The following CABIN1 variants were observed in gnomAD, a reference collection of about 807,000 sequenced individuals.
The protein encoded by CABIN1 is calcineurin-binding protein cabin-1.
Under a neutral mutation model 227.7 loss-of-function variants are expected in CABIN1, and 133 were observed. The observed-to-expected ratio is 0.58, with a 90% CI of 0.51 to 0.67. The LOEUF (loss-of-function observed/expected upper bound fraction) is 0.67, where lower values mean the gene tolerates loss of function less well. Among genes scored for constraint, CABIN1 ranks in the 30% least tolerant of loss-of-function variants. The probability of loss-of-function intolerance (pLI) is 0.00; values close to 1 mark genes in which losing one functional copy is unlikely to be tolerated. For missense variants in CABIN1, 2,408 were observed against 2,852.5 expected, an observed-to-expected ratio of 0.84 and a Z score of 3.55; for synonymous variants, 1,086 against 1,155.1, an observed-to-expected ratio of 0.94 and a Z score of 1.21.
At chr22:24,127,790 C>CT (rs1282021577) in intron 28 of CABIN1, among the ~76,000 whole-genome samples, 1 of 151,746 alleles carries the variant, frequency 6.6e-6, no homozygotes, top group Non-Finnish European at 1.5e-5. Flanking sequence ...GTTTGCACAT[C>CT]TATCATCTTC....
intron 1 of CABIN1, among the ~76,000 whole-genome samples, chr22:24,014,870 G>A (rs2035125456): frequency 6.6e-6 from 1 of 151,960 alleles, no homozygotes; most frequent in Non-Finnish European, 1.5e-5. Context: ...TGTTTCTTTC[G>A]CACAAGTGAA....
intron 26 of CABIN1, among the ~76,000 whole-genome samples, chr22:24,099,568 C>G (rs1054195274): frequency 6.6e-6 from 1 of 152,346 alleles, no homozygotes; most frequent in East Asian, 1.9e-4. Context: ...TGCAGACTTT[C>G]CCTGTTAAGA....
At chr22:24,133,881 C>G (rs528104744) in intron 28 of CABIN1, among the ~76,000 whole-genome samples, 3 of 152,198 alleles carry the variant, frequency 2.0e-5, no homozygotes, top group African/African-American at 7.2e-5. Flanking sequence ...TCCAGCCCTC[C>G]GAGCCTAAAG....
chr22:24,146,747 G>A (rs1038130222), intron 29 of CABIN1, among the ~76,000 whole-genome samples: 3 of 152,228 alleles, frequency 2.0e-5, no homozygotes, highest in East Asian at 3.8e-4. Context: ...CTGGCTATCC[G>A]GAGACAGTTT....
chr22:24,037,716 A>G (rs992279189), intron 3 of CABIN1, among the ~76,000 whole-genome samples: 3 of 152,098 alleles, frequency 2.0e-5, no homozygotes, highest in African/African-American at 7.2e-5. Context: ...GTGTCCTACA[A>G]TTCAATTCTG....
chr22:24,013,871 T>C (rs748328898), intron 1 of CABIN1, among the ~76,000 whole-genome samples: 1 of 152,224 alleles, frequency 6.6e-6, no homozygotes, highest in Non-Finnish European at 1.5e-5. Context: ...GTTTGTCCAG[T>C]GTTTTCTAAT....
chr22:24,113,636 C>T lies in CABIN1; in HGVS notation c.4188C>T (p.Pro1396=), dbSNP rs772141280. The T allele has an allele frequency of 2.3e-5, 37 of 1,613,974 alleles. No individual in the cohort carries two copies. Among genetic ancestry groups the T allele is most frequent in the African/African-American group, 4.0e-5 (3 of 74,904 alleles). The change falls in exon 27 of 37, where the codon CCC becomes CCT. Residue 1396 remains proline (P), a synonymous_variant. Transcript: ENST00000263119. ...CAACGCAGGACTTCTTTAATGAGCCCACCAGCTTACTGGAAGGCTCCAGGA... is the reference window on the plus strand; with the variant it reads ...CAACGCAGGACTTCTTTAATGAGCCTACCAGCTTACTGGAAGGCTCCAGGA... ...SSSTQDFFNE[P]TSLLEGSRKS... is the part of the protein sequence containing the mutation.
intron 29 of CABIN1, among the ~76,000 whole-genome samples, chr22:24,140,606 G>A (rs1007130333): frequency 1.3e-5 from 2 of 152,226 alleles, no homozygotes; most frequent in African/African-American, 4.8e-5. Flanking sequence ...ATTCAGAAAC[G>A]TTCCCATAGT....
chr22:24,074,795 A>G (rs1476774827), intron 18 of CABIN1, among the ~76,000 whole-genome samples: 1 of 152,370 alleles, frequency 6.6e-6, no homozygotes, highest in East Asian at 1.9e-4. Context: ...AAATCGTAGA[A>G]CTGAGGAAAA....
chr22:24,176,700 G>T (rs955282734), intron 35 of CABIN1, among the ~76,000 whole-genome samples: 1 of 152,166 alleles, frequency 6.6e-6, no homozygotes, highest in East Asian at 1.9e-4. Context: ...GACAGGTTGG[G>T]CTGGGCCAAG....
Position 24,038,339 on chromosome 22 carries a change from G to T in CABIN1, c.97-9G>T. ...GCTGTATGAAAACATCTCTTGTCTTGATTTGCAGGAAGCAGAGGCTTTTGC... is the reference window on the plus strand; with the variant it reads ...GCTGTATGAAAACATCTCTTGTCTTTATTTGCAGGAAGCAGAGGCTTTTGC... On this transcript the variant is annotated splice_polypyrimidine_tract_variant and intron_variant, in intron 3 of 36. Coordinates refer to ENST00000263119, the MANE Select transcript of CABIN1 (RefSeq NM_012295.4). 1 of 1,607,290 alleles carries T rather than the reference G, an allele frequency of 6.2e-7. No homozygotes were observed. The highest frequency in any genetic ancestry group is 1.1e-5 in the South Asian group (1 of 90,872).
chr22:24,154,305 C>T (rs1380222059), intron 29 of CABIN1, among the ~76,000 whole-genome samples: 1 of 152,104 alleles, frequency 6.6e-6, no homozygotes, highest in East Asian at 1.9e-4. Context: ...TGTGGACAGC[C>T]GGGAAGAGTG....
chr22:24,154,547 C>T (rs1296455247), intron 29 of CABIN1, among the ~76,000 whole-genome samples: 1 of 152,232 alleles, frequency 6.6e-6, no homozygotes, highest in Non-Finnish European at 1.5e-5. Flanking sequence ...CCCTTGTCCT[C>T]ACACAGCCTT....
intron 1 of CABIN1, among the ~76,000 whole-genome samples, chr22:24,031,409 T>C (rs905205929): frequency 1.3e-5 from 2 of 152,000 alleles, no homozygotes; most frequent in African/African-American, 4.8e-5. Flanking sequence ...ACACCAAGGG[T>C]TGTAAAGGAT....
intron 23 of CABIN1, 134 bp from the exon 24 acceptor site, chr22:24,091,449 G>A: frequency 8.9e-7 from 1 of 1,122,112 alleles, no homozygotes. Flanking sequence ...GAAATGGTGA[G>A]GGCATTTCTG....
intron 3 of CABIN1, among the ~76,000 whole-genome samples, chr22:24,037,845 C>T (rs2037043227): frequency 6.6e-6 from 1 of 152,186 alleles, no homozygotes; most frequent in Non-Finnish European, 1.5e-5. Context: ...ACACTTCTGT[C>T]CAGCCGGTCT....
chr22:24,166,106 T>G (rs537472502), intron 31 of CABIN1, among the ~76,000 whole-genome samples: 1 of 152,188 alleles, frequency 6.6e-6, no homozygotes, highest in African/African-American at 2.4e-5. Context: ...CCTCCAAAGC[T>G]TATGCCTGGT....
intron 29 of CABIN1, among the ~76,000 whole-genome samples, chr22:24,142,717 C>T (rs1246813427): frequency 1.3e-5 from 2 of 152,226 alleles, no homozygotes; most frequent in African/African-American, 4.8e-5. Context: ...CCACTCAATT[C>T]CTGGTGCCCC....
intron 29 of CABIN1, among the ~76,000 whole-genome samples, chr22:24,147,658 G>A (rs1455797791): frequency 2.0e-5 from 3 of 151,778 alleles, no homozygotes; most frequent in African/African-American, 7.3e-5. Context: ...TGCCCAGGAT[G>A]GTGTCAAACT....
Sources: gnomAD v4.1 joint callset for allele counts (sites outside exome capture counted in the v4.1 genomes callset) on GRCh38, gnomAD v4.1.1 for gene constraint, MANE v1.5 for transcripts, NCBI Gene and HGNC (gene_info 2026-07-23, HGNC 2026-07-21) for gene names.